The following PTPRN2 variants were observed in gnomAD, a reference collection of about 807,000 sequenced individuals.
PTPRN2 encodes receptor-type tyrosine-protein phosphatase N2.
In PTPRN2, 74 loss-of-function variants were observed where a neutral mutation model predicts 118.8. The ratio of observed to expected loss-of-function variants is 0.62; its 90% confidence interval spans 0.52 to 0.76. The LOEUF (loss-of-function observed/expected upper bound fraction) is 0.76. Among genes scored for constraint, PTPRN2 ranks in the 30% least tolerant of loss-of-function variants. The pLI is 0.00. For synonymous variants in PTPRN2, 641 were observed against 608.0 expected (o/e 1.05, Z -0.80); for missense variants, 1,481 against 1,394.4 (o/e 1.06, Z -0.99).
At chr7:157,625,758 A>C (rs919117871) in intron 14 of PTPRN2, among the ~76,000 whole-genome samples, 1 of 152,188 alleles carries the variant, frequency 6.6e-6, no homozygotes, top group Non-Finnish European at 1.5e-5. Context: ...CAGAAAAAAA[A>C]CCTTGACATT....
chr7:158,149,985 G>C (rs562904155), intron 6 of PTPRN2, among the ~76,000 whole-genome samples: 1 of 152,322 alleles, frequency 6.6e-6, no homozygotes, highest in Non-Finnish European at 1.5e-5. Flanking sequence ...ATTCTTTGCT[G>C]TTTGTTAAGC....
At chr7:157,633,940 G>A (rs577957953) in intron 14 of PTPRN2, among the ~76,000 whole-genome samples, 8 of 152,370 alleles carry the variant, frequency 5.3e-5, no homozygotes, top group African/African-American at 1.9e-4. Flanking sequence ...TGGTTCCCAG[G>A]TGGCAGTGCA....
chr7:158,523,416 A>C (rs559351904), intron 1 of PTPRN2, among the ~76,000 whole-genome samples: 3 of 130,118 alleles, frequency 2.3e-5, no homozygotes, highest in African/African-American at 8.4e-5. Context: ...CCTGGAGCGG[A>C]GTCTGCCCTG....
intron 1 of PTPRN2, among the ~76,000 whole-genome samples, chr7:158,571,160 T>G (rs1244221258): frequency 1.3e-5 from 2 of 152,248 alleles, no homozygotes; most frequent in Non-Finnish European, 2.9e-5. Flanking sequence ...TTTTTTTTAA[T>G]TATGCCGTGT....
In PTPRN2 at chr7:157,576,708, C is replaced by T; in HGVS notation, c.2688G>A (p.Gln896=). Residue 896 remains glutamine (Q), a synonymous_variant, in exon 19 of 23, where the codon CAG becomes CAA. Coordinates refer to ENST00000389418, the MANE Select transcript of PTPRN2 (RefSeq NM_002847.5). The part of the protein sequence containing the change: ...LVRSFYLKNL[Q]TNETRTVTQF... ...GCGTCACGGTGCGCGTCTCGTTGGT[C>T]TGCAGGTTCTTCAGATAGAAGCTCC... The T allele has an allele frequency of 6.2e-7, 1 of 1,610,668 alleles. No homozygotes were observed. The highest frequency in any genetic ancestry group is 8.5e-7 in the Non-Finnish European group (1 of 1,178,218).
rs1393382707 is a variant in PTPRN2, at chr7:157,596,930, C to T, written c.2419-1615G>A. The stretch of plus-strand genomic sequence containing the variant: ...CCCTATGCAATTTTAAGCCAACGCA[C>T]GAGGACATCAGTGGTGGCCCCGGTG... On this transcript the variant is annotated intron_variant, in intron 16 of 22. Coordinates refer to ENST00000389418, the MANE Select transcript of PTPRN2 (RefSeq NM_002847.5). This position sits in a 1 kb window ranked among gnomAD's most constrained non-coding sequence, Gnocchi z 4.2. Among the ~76,000 whole-genome samples, 7 of 152,178 alleles carry T rather than the reference C, an allele frequency of 4.6e-5. No homozygotes were observed. The highest frequency in any genetic ancestry group is 4.1e-4 in the South Asian group (2 of 4,826).
chr7:158,085,591 G>GAC (rs1813304346), intron 10 of PTPRN2, among the ~76,000 whole-genome samples: 1 of 63,932 alleles, frequency 1.6e-5, no homozygotes, highest in Non-Finnish European at 2.9e-5. Flanking sequence ...CGCCCATCCA[G>GAC]ATACCCATCC....
At chr7:157,844,906 C>T (rs145583842) in intron 12 of PTPRN2, among the ~76,000 whole-genome samples, 116 of 152,312 alleles carry the variant, frequency 7.6e-4, no homozygotes, top group African/African-American at 2.7e-3. Flanking sequence ...GCCTTTGTCT[C>T]TTTTGTTTTG....
chr7:158,381,744 G>C (rs1427831773), intron 2 of PTPRN2, among the ~76,000 whole-genome samples: 14 of 152,088 alleles, frequency 9.2e-5, no homozygotes, highest in Non-Finnish European at 1.5e-5. Flanking sequence ...CCCGAGACTG[G>C]GTAATTTATA....
At chr7:157,631,928 G>A (rs1377684942) in intron 14 of PTPRN2, among the ~76,000 whole-genome samples, 3 of 152,090 alleles carry the variant, frequency 2.0e-5, no homozygotes, top group Non-Finnish European at 2.9e-5. Flanking sequence ...GAAAAACACT[G>A]TAAGAGGACA....
At chr7:158,320,652 C>T (rs552268484) in intron 2 of PTPRN2, among the ~76,000 whole-genome samples, 6 of 152,344 alleles carry the variant, frequency 3.9e-5, no homozygotes, top group Middle Eastern at 6.8e-3. Flanking sequence ...AGGTGTGTAT[C>T]GGTATCTCAT....
intron 2 of PTPRN2, among the ~76,000 whole-genome samples, chr7:158,327,296 C>G (rs1257229738): frequency 5.3e-5 from 7 of 132,108 alleles, no homozygotes; most frequent in Non-Finnish European, 1.8e-5. Context: ...CACACATGTA[C>G]ACATTCTCAC....
chr7:158,141,055 T>G (rs1819338726), intron 6 of PTPRN2, among the ~76,000 whole-genome samples: 1 of 151,248 alleles, frequency 6.6e-6, no homozygotes, highest in East Asian at 2.0e-4. Flanking sequence ...TGTAGGGGGG[T>G]CCCGCTGCCA....
intron 11 of PTPRN2, among the ~76,000 whole-genome samples, chr7:158,040,749 T>TTTTTTTTTTTTTG (rs1317663043): frequency 6.6e-6 from 1 of 150,742 alleles, no homozygotes. Context: ...TTTTTTTTTT[T>TTTTTTTTTTTTTG]TGAGATGGAA....
chr7:157,721,353 T>C (rs991784014), intron 12 of PTPRN2, among the ~76,000 whole-genome samples: 2 of 152,216 alleles, frequency 1.3e-5, no homozygotes, highest in Non-Finnish European at 2.9e-5. Context: ...TCATGTGCCA[T>C]GTTCGCATCA....
chr7:157,544,954 A>G (rs1397108216), intron 22 of PTPRN2, among the ~76,000 whole-genome samples: 10 of 136,062 alleles, frequency 7.3e-5, no homozygotes, highest in Non-Finnish European at 1.4e-4. Context: ...GGGTGTGTGG[A>G]TGTGTGTGGG....
intron 12 of PTPRN2, among the ~76,000 whole-genome samples, chr7:157,805,339 C>T (rs566404332): frequency 6.6e-5 from 10 of 151,024 alleles, no homozygotes; most frequent in African/African-American, 2.2e-4. Context: ...ACATCATCAA[C>T]TGAAGGTCTG....
intron 12 of PTPRN2, among the ~76,000 whole-genome samples, chr7:157,849,316 A>C (rs1199161633): frequency 2.6e-5 from 4 of 152,100 alleles, no homozygotes; most frequent in African/African-American, 9.7e-5. Context: ...CCAGTGTGTG[A>C]GCTGGGGCCA....
chr7:158,012,306 C>T (rs920001890), intron 11 of PTPRN2, among the ~76,000 whole-genome samples: 30 of 152,078 alleles, frequency 2.0e-4, no homozygotes, highest in Non-Finnish European at 3.4e-4. Flanking sequence ...GATGACACGA[C>T]GCTGGCTTTA....
Sources: gnomAD v4.1 joint callset for allele counts (sites outside exome capture counted in the v4.1 genomes callset) on GRCh38, gnomAD v4.1.1 for gene constraint, Gnocchi (gnomAD v3.1) non-coding constraint, MANE v1.5 for transcripts, NCBI Gene and HGNC (gene_info 2026-07-23, HGNC 2026-07-21) for gene names.